Variants in DENND1A observed in about 807,000 individuals in gnomAD.
DENND1A encodes the protein DENN domain-containing protein 1A.
In DENND1A, 51 loss-of-function variants were observed where a neutral mutation model predicts 113.7. The ratio of observed to expected loss-of-function variants is 0.45; its 90% CI spans 0.36 to 0.57. The LOEUF (loss-of-function observed/expected upper bound fraction) is 0.57. Among genes scored for constraint, DENND1A ranks in the 20% least tolerant of loss-of-function variants. The pLI is 0.00. For synonymous variants in DENND1A, 565 were observed against 570.8 expected (o/e 0.99, Z 0.14); for missense variants, 1,258 against 1,395.9 (o/e 0.90, Z 1.57).
intron 8 of DENND1A, among the ~76,000 whole-genome samples, chr9:123,663,981 T>C (rs1039243275): frequency 6.6e-6 from 1 of 152,206 alleles, no homozygotes; most frequent in Non-Finnish European, 1.5e-5. Context: ...GTTAGCCATC[T>C]ACCTCTGTGA....
intron 19 of DENND1A, among the ~76,000 whole-genome samples, chr9:123,419,321 A>C (rs529740210): frequency 6.6e-5 from 10 of 152,324 alleles, no homozygotes; most frequent in South Asian, 4.1e-4. Context: ...GTGTACTCTG[A>C]ATTGTCCCTT....
rs138185823 is a variant in DENND1A at position 123,620,251 on chromosome 9, A to G, written c.719+10125T>C. ...AAAAAAAAAAAAAGAAAAGAAAAAG[A>G]AAAAAAGGAAAAAAGAAATCATCCA... On this transcript the variant is annotated intron_variant, in intron 10 of 23. Transcript: ENST00000394215. Among the ~76,000 whole-genome samples, 690 of 149,600 alleles carry G rather than the reference A, an allele frequency of 4.6e-3. 4 individuals carry two copies. The highest frequency in any genetic ancestry group is 0.017 in the African/African-American group (661 of 39,802).
chr9:123,525,933 A>AT (rs1554856540), intron 13 of DENND1A, among the ~76,000 whole-genome samples: 2 of 151,766 alleles, frequency 1.3e-5, no homozygotes, highest in Non-Finnish European at 2.9e-5. Flanking sequence ...ATTAAAAAAA[A>AT]TTTTTTTGTA....
At chr9:123,433,111 G>A (rs2046260106) in intron 19 of DENND1A, among the ~76,000 whole-genome samples, 1 of 152,244 alleles carries the variant, frequency 6.6e-6, no homozygotes, top group Non-Finnish European at 1.5e-5. Context: ...CCAGGGGCCT[G>A]TGTGCCAGCG....
intron 9 of DENND1A, among the ~76,000 whole-genome samples, chr9:123,639,787 A>C (rs1396880862): frequency 3.3e-5 from 5 of 150,770 alleles, no homozygotes; most frequent in African/African-American, 4.9e-5. Flanking sequence ...CAAAAAAAAA[A>C]AAAAAAAAAA....
At chr9:123,732,840 T>C (rs559067246) in intron 5 of DENND1A, among the ~76,000 whole-genome samples, 4 of 152,356 alleles carry the variant, frequency 2.6e-5, no homozygotes, top group Admixed American at 6.5e-5. Flanking sequence ...AGTTACTTAA[T>C]CTGTCCAAAC....
chr9:123,407,731 G>A (rs147264339), intron 20 of DENND1A, among the ~76,000 whole-genome samples: 10 of 152,314 alleles, frequency 6.6e-5, no homozygotes, highest in Admixed American at 5.9e-4. Context: ...CTGTTCAAGG[G>A]GGACTGGAGG....
intron 18 of DENND1A, among the ~76,000 whole-genome samples, chr9:123,450,153 C>G (rs1483911469): frequency 2.6e-5 from 4 of 152,158 alleles, no homozygotes; most frequent in African/African-American, 9.7e-5. Context: ...GAGCCCTCCC[C>G]TCCCCACTCA....
At chr9:123,556,051 G>A (rs1442311272) in intron 13 of DENND1A, among the ~76,000 whole-genome samples, 9 of 152,174 alleles carry the variant, frequency 5.9e-5, no homozygotes, top group African/African-American at 2.2e-4. Flanking sequence ...GGTTTGGCTG[G>A]ACCCAAGATC....
At chr9:123,786,740 A>T (rs1018211939) in intron 3 of DENND1A, among the ~76,000 whole-genome samples, 1 of 152,204 alleles carries the variant, frequency 6.6e-6, no homozygotes, top group Admixed American at 6.5e-5. Context: ...TTAAAATGTG[A>T]TCCATTTGAC....
intron 13 of DENND1A, among the ~76,000 whole-genome samples, chr9:123,465,271 G>A (rs1187732636): frequency 6.7e-6 from 1 of 148,294 alleles, no homozygotes; most frequent in Non-Finnish European, 1.5e-5. Context: ...AGTACAGTGT[G>A]ACAGCTAGCA....
intron 1 of DENND1A, among the ~76,000 whole-genome samples, chr9:123,913,672 G>A (rs1009219943): frequency 4.6e-5 from 7 of 152,090 alleles, no homozygotes; most frequent in Admixed American, 2.6e-4. Flanking sequence ...TTGGGAGGAC[G>A]AGGTGGGTGG....
chr9:123,517,995 T>C (rs2054082525), intron 13 of DENND1A, among the ~76,000 whole-genome samples: 1 of 152,150 alleles, frequency 6.6e-6, no homozygotes, highest in South Asian at 2.1e-4. Context: ...AAAAAATATA[T>C]ATTATTATTT....
chr9:123,406,388 C>T (rs1024173366), intron 20 of DENND1A, among the ~76,000 whole-genome samples: 1 of 152,260 alleles, frequency 6.6e-6, no homozygotes, highest in Admixed American at 6.5e-5. Context: ...AATAAATGCT[C>T]ATCCTGCTCC....
chr9:123,803,112 T>C (rs1363894125), intron 2 of DENND1A, among the ~76,000 whole-genome samples: 1 of 152,212 alleles, frequency 6.6e-6, no homozygotes, highest in Non-Finnish European at 1.5e-5. Flanking sequence ...TTGTGCCTCT[T>C]TGTCATCCTC....
chr9:123,648,015 T>C (rs1428942194), intron 9 of DENND1A, among the ~76,000 whole-genome samples: 2 of 152,200 alleles, frequency 1.3e-5, no homozygotes, highest in East Asian at 1.9e-4. Context: ...CTCTAATACA[T>C]TTCCAATATA....
At chr9:123,777,131 T>C (rs892034892) in intron 3 of DENND1A, among the ~76,000 whole-genome samples, 1 of 152,248 alleles carries the variant, frequency 6.6e-6, no homozygotes, top group Non-Finnish European at 1.5e-5. Flanking sequence ...ATCTATAAGC[T>C]GAAGGTCTGT....
intron 13 of DENND1A, among the ~76,000 whole-genome samples, chr9:123,480,978 T>C (rs573334335): frequency 6.6e-6 from 1 of 152,352 alleles, no homozygotes; most frequent in African/African-American, 2.4e-5. Context: ...TGCGCACACA[T>C]TGTTTAAAAA....
intron 2 of DENND1A, among the ~76,000 whole-genome samples, chr9:123,873,257 G>A (rs933822617): frequency 7.9e-5 from 12 of 152,186 alleles, no homozygotes; most frequent in Admixed American, 2.6e-4. Context: ...AAAATATGGA[G>A]TTCAGCTTGT....
Sources: allele counts gnomAD v4.1 joint callset (sites outside exome capture counted in the v4.1 genomes callset), GRCh38; gene constraint gnomAD v4.1.1; transcripts MANE v1.5; gene names NCBI Gene and HGNC (gene_info 2026-07-23, HGNC 2026-07-21).